The following RAP1GAP variants were observed in gnomAD, a reference collection of about 807,000 sequenced individuals.
RAP1GAP encodes the protein RAP1 GTPase activating protein, also known as rap1 GTPase-activating protein 1.
In RAP1GAP, 35 loss-of-function variants were observed where a neutral mutation model predicts 87.2. The ratio of observed to expected loss-of-function variants is 0.40; its 90% CI spans 0.31 to 0.53. RAP1GAP has a LOEUF of 0.53. Ranked by LOEUF, RAP1GAP falls within the 20% of genes least tolerant of loss-of-function variation. The pLI is 0.48. For missense variants in RAP1GAP, 734 were observed against 898.9 expected (o/e 0.82, Z 2.35); for synonymous variants, 375 against 363.9 (o/e 1.03, Z -0.35).
chr1:21,651,883 G>T (rs927656762), intron 1 of RAP1GAP: 1 of 1,028,292 alleles, frequency 9.7e-7, no homozygotes, highest in African/African-American at 1.7e-5. Context: ...CCGCGCCCGG[G>T]TCACCTTGGC....
Position 21,603,669 on chromosome 1 carries a change from G to A in RAP1GAP, c.1429-756C>T. On this transcript the variant is annotated intron_variant, in intron 18 of 24. Coordinates refer to ENST00000374765, the MANE Select transcript of RAP1GAP (RefSeq NM_002885.4). The surrounding 1 kb of genome is among the most constrained non-coding windows in gnomAD (Gnocchi z 6.0). Reference sequence around the variant, plus strand: ...TCTGGCACAGGTACCAGGCCCCAAAGCAGGTGCTGAGTGCCATCGGAGCTG... The same window carrying A: ...TCTGGCACAGGTACCAGGCCCCAAAACAGGTGCTGAGTGCCATCGGAGCTG... 1 of 798,302 alleles carries A rather than the reference G, an allele frequency of 1.3e-6. No individual in the cohort carries two copies. Among genetic ancestry groups the A allele is most frequent in the Non-Finnish European group, 2.2e-6 (1 of 450,658 alleles). 49.5% of individuals were successfully genotyped at this position (798,302 alleles called of 1,614,324 possible). A position where few individuals can be genotyped will look rare whatever the true frequency, so the allele number is the denominator to read the frequency against.
intron 2 of RAP1GAP, among the ~76,000 whole-genome samples, chr1:21,637,606 T>C (rs940549497): frequency 1.3e-5 from 2 of 152,090 alleles, no homozygotes; most frequent in Non-Finnish European, 2.9e-5. Context: ...CATAAAGATA[T>C]ATGAACAAAA....
chr1:21,598,111 C>G (rs1481353452), intron 22 of RAP1GAP, 47 bp from the exon 23 acceptor site: 1 of 1,290,316 alleles, frequency 7.8e-7, no homozygotes, highest in Non-Finnish European at 1.1e-6. Context: ...CGCGGGGAGG[C>G]ACCAGGGAGA....
At chr1:21,618,569 T>TCA (rs765018211) in intron 5 of RAP1GAP, among the ~76,000 whole-genome samples, 1 of 151,764 alleles carries the variant, frequency 6.6e-6, no homozygotes, top group African/African-American at 2.4e-5. Context: ...TGCCTCCCTA[T>TCA]CACTCCCTCC....
At chr1:21,598,286 C>A in intron 22 of RAP1GAP, 114 bp downstream of exon 22, 1 of 1,025,034 alleles carries the variant, frequency 9.8e-7, no homozygotes, top group Non-Finnish European at 1.5e-6. Context: ...TCCTCCAAGT[C>A]AGGGGCAGTC....
intron 2 of RAP1GAP, among the ~76,000 whole-genome samples, chr1:21,632,274 G>A (rs1015023882): frequency 2.0e-4 from 31 of 152,160 alleles, no homozygotes; most frequent in Non-Finnish European, 3.2e-4. Flanking sequence ...ACAGCTCCCC[G>A]GTTTCTTGGC....
intron 18 of RAP1GAP, among the ~76,000 whole-genome samples, chr1:21,605,772 C>T (rs2074049836): frequency 6.6e-6 from 1 of 152,244 alleles, no homozygotes; most frequent in African/African-American, 2.4e-5. Flanking sequence ...CAGAGGCTGT[C>T]CCAGGGCTGA....
intron 17 of RAP1GAP, among the ~76,000 whole-genome samples, chr1:21,607,454 C>T (rs1558644074): frequency 6.6e-6 from 1 of 152,100 alleles, no homozygotes; most frequent in South Asian, 2.1e-4. Flanking sequence ...TTGAAGTGTC[C>T]GTGCTCTTAA....
chr1:21,599,373 C>G, intron 21 of RAP1GAP, 121 bp downstream of exon 21: 2 of 1,414,202 alleles, frequency 1.4e-6, no homozygotes, highest in Non-Finnish European at 1.9e-6. Context: ...TCCTTTGGGC[C>G]GGGTCCCCTG....
In RAP1GAP at chr1:21,622,739, AG is replaced by A. The variant is rs1376287213; in HGVS notation, c.-18-2690del. ...AGCTTTGGGTGCGTCGGGCTCCCCG[AG>A]GGGGCCCCCCACTCGGTTCTCCCCA... On this transcript the variant is annotated intron_variant, in intron 3 of 24. Coordinates refer to ENST00000374765, the MANE Select transcript of RAP1GAP (RefSeq NM_002885.4). This position sits in a 1 kb window ranked among gnomAD's most constrained non-coding sequence, Gnocchi z 5.7. 6.6e-6 allele frequency among the ~76,000 whole-genome samples: 1 copy of A among 151,494 alleles called. No individual in the cohort carries two copies. Among genetic ancestry groups the A allele is most frequent in the East Asian group, 2.0e-4 (1 of 5,088 alleles).
chr1:21,617,201 C>T lies in RAP1GAP; in HGVS notation c.291+105G>A, dbSNP rs57234987. ...CATTCACTCAGGGCTCTAGGACTGT[C>T]ACCCAGCCCTGGCCCATGGGTTCTG... On this transcript the variant is annotated intron_variant, in intron 7 of 24. Transcript: ENST00000374765. 2,812 of 1,318,926 alleles carry T rather than the reference C, an allele frequency of 2.1e-3. 44 individuals carry two copies. In the African/African-American group the frequency reaches 0.036, roughly 17 times the overall value. The allele number at this position is 1,318,926 out of a possible 1,614,324, so 81.7% of individuals were successfully genotyped here.
In RAP1GAP at chr1:21,613,756, A is replaced by G. The variant is rs1484207240; in HGVS notation, c.396-50T>C. ...AAGGCCTGGGCAGCAGGACAGGAAA[A>G]TGGGAACCCCACCCCCCACAAAGTA... On this transcript the variant is annotated intron_variant, in intron 8 of 24. Transcript: ENST00000374765. This position sits in a 1 kb window ranked among gnomAD's most constrained non-coding sequence, Gnocchi z 4.7. The G allele has an allele frequency of 1.4e-5, 22 of 1,529,514 alleles. No homozygotes were observed. Among genetic ancestry groups the G allele is most frequent in the Non-Finnish European group, 2.0e-5 (22 of 1,105,182 alleles). The allele number at this position is 1,529,514 out of a possible 1,614,324, so 94.7% of individuals were successfully genotyped here.
At chr1:21,658,465 G>A (rs1188705552) in intron 1 of RAP1GAP, among the ~76,000 whole-genome samples, 1 of 152,154 alleles carries the variant, frequency 6.6e-6, no homozygotes, top group Non-Finnish European at 1.5e-5. Context: ...CTACTCAGGA[G>A]GCTGAGACAG....
chr1:21,603,844 G>A lies in RAP1GAP; in HGVS notation c.1429-931C>T, dbSNP rs372243753. The A allele has an allele frequency of 4.2e-5, 67 of 1,609,054 alleles. No individual in the cohort carries two copies. The highest frequency in any genetic ancestry group is 5.5e-5 in the Non-Finnish European group (65 of 1,178,024). On this transcript the variant is annotated intron_variant, in intron 18 of 24. Coordinates refer to ENST00000374765, the MANE Select transcript of RAP1GAP (RefSeq NM_002885.4). The surrounding 1 kb of genome is among the most constrained non-coding windows in gnomAD (Gnocchi z 6.0). ...CCCCGCGGACGACAACCTCTTCCAC[G>A]GTTCCTATGCCTATGGCACTGCCCC...
intron 2 of RAP1GAP, among the ~76,000 whole-genome samples, chr1:21,644,684 G>T (rs917587381): frequency 6.6e-6 from 1 of 152,062 alleles, no homozygotes; most frequent in African/African-American, 2.4e-5. Context: ...AGGATCACAA[G>T]GTCAGGAGCT....
At position 21,617,984 on chromosome 1, in the gene RAP1GAP, A is replaced by C; in HGVS notation, c.67-12T>G. On this transcript the variant is annotated splice_polypyrimidine_tract_variant and intron_variant, in intron 5 of 24. Transcript: ENST00000374765. ...TAGTCCTCCTCTGTCTGCAAAACAC[A>C]AACAGGGCAAGGGTCTCTCCATCTG... is the stretch of plus-strand genomic sequence containing the variant. 6.2e-7 allele frequency: 1 copy of C among 1,614,062 alleles called. No homozygotes were observed. The highest frequency in any genetic ancestry group is 8.5e-7 in the Non-Finnish European group (1 of 1,179,998).
At position 21,613,373 on chromosome 1, in the gene RAP1GAP, C is replaced by CA; in HGVS notation, c.475-145_475-144insT. The CA allele has an allele frequency of 1.2e-6, 1 of 829,646 alleles. No homozygotes were observed. The highest frequency in any genetic ancestry group is 2.0e-6 in the Non-Finnish European group (1 of 495,998). 51.4% of individuals were successfully genotyped at this position (829,646 alleles called of 1,614,324 possible). A position where few individuals can be genotyped will look rare whatever the true frequency, so the allele number is the denominator to read the frequency against. The stretch of plus-strand genomic sequence containing the variant: ...AAGCAGGACTCGGGGTTCACTGTTG[C>CA]TCAGGGAACGGAGGTCCCCTGAGAT... On this transcript the variant is annotated intron_variant, in intron 9 of 24. Transcript: ENST00000374765. The surrounding 1 kb of genome is among the most constrained non-coding windows in gnomAD (Gnocchi z 4.7).
chr1:21,604,786 TGG>T (rs2072643690), intron 18 of RAP1GAP, among the ~76,000 whole-genome samples: 1 of 151,134 alleles, frequency 6.6e-6, no homozygotes, highest in African/African-American at 2.4e-5. Context: ...GATGGATGGA[TGG>T]ATGGATGGAT....
At chr1:21,620,080 A>G in intron 3 of RAP1GAP, 30 bp from the exon 4 acceptor site, 1 of 1,611,322 alleles carries the variant, frequency 6.2e-7, no homozygotes, top group South Asian at 1.1e-5. Context: ...GAGCGAGGTC[A>G]GCTGATCCCG....
Sources: gnomAD v4.1 joint callset for allele counts (sites outside exome capture counted in the v4.1 genomes callset) on GRCh38, gnomAD v4.1.1 for gene constraint, Gnocchi (gnomAD v3.1) non-coding constraint, MANE v1.5 for transcripts, NCBI Gene and HGNC (gene_info 2026-07-23, HGNC 2026-07-21) for gene names.